Variants in FBXL19 observed in about 807,000 individuals in gnomAD.
FBXL19 encodes F-box/LRR-repeat protein 19.
A neutral mutation model predicts 71.2 loss-of-function variants in FBXL19; 16 were observed. The ratio of observed to expected loss-of-function variants is 0.22; its 90% CI spans 0.15 to 0.34. The LOEUF (loss-of-function observed/expected upper bound fraction) is 0.34, where lower values mean the gene tolerates loss of function less well. Ranked by LOEUF, FBXL19 falls within the 10% of genes least tolerant of loss-of-function variation. The pLI is 1.00. For synonymous variants in FBXL19, 447 were observed against 409.4 expected (o/e 1.09, Z -1.11); for missense variants, 658 against 968.2 (o/e 0.68, Z 4.25).
chr16:30,944,497 A>G (rs1596658075), intron 9 of FBXL19, among the ~76,000 whole-genome samples: 2 of 152,136 alleles, frequency 1.3e-5, no homozygotes, highest in Admixed American at 1.3e-4. Context: ...AGCTCCTTCC[A>G]TGTTCCTGTA....
chr16:30,925,069 G>C lies in FBXL19; in HGVS notation c.-25+610G>C, dbSNP rs929320407. On this transcript the variant is annotated intron_variant, in intron 1 of 10. Transcript: ENST00000338343. This position sits in a 1 kb window ranked among gnomAD's most constrained non-coding sequence, Gnocchi z 5.0. Reference sequence around the variant, plus strand: ...AGGGGCTGAGATCTTGGGCTGAGAAGGGTCTCTGAAGAAGCATCTCCAGGG... The same window carrying C: ...AGGGGCTGAGATCTTGGGCTGAGAACGGTCTCTGAAGAAGCATCTCCAGGG... 6.6e-6 allele frequency among the ~76,000 whole-genome samples: 1 copy of C among 152,212 alleles called. No homozygotes were observed. The highest frequency in any genetic ancestry group is 1.5e-5 in the Non-Finnish European group (1 of 68,028).
chr16:30,947,432 A>ATGTCCTGCCCCTGCTACCTGCTTCAT lies in FBXL19; in HGVS notation c.*208_*233dup. On this transcript the variant is annotated 3_prime_UTR_variant, in exon 11 of 11. Coordinates refer to ENST00000338343, the MANE Select transcript of FBXL19 (RefSeq NM_001382779.1). The stretch of plus-strand genomic sequence containing the variant: ...ATATCTCTGGGGGTTTCTCCTTCCT[A>ATGTCCTGCCCCTGCTACCTGCTTCAT]TGTCCTGCCCCTGCTACCTGCTTCA... The ATGTCCTGCCCCTGCTACCTGCTTCAT allele has an allele frequency of 1.8e-6, 1 of 563,224 alleles. No individual in the cohort carries two copies. Among genetic ancestry groups the ATGTCCTGCCCCTGCTACCTGCTTCAT allele is most frequent in the Middle Eastern group, 4.7e-4 (1 of 2,120 alleles). 34.9% of individuals were successfully genotyped at this position (563,224 alleles called of 1,614,324 possible).
rs2055815765 is a variant in FBXL19, at chr16:30,942,655, T to C, written c.1627+119T>C. On this transcript the variant is annotated intron_variant, in intron 9 of 10. Coordinates refer to ENST00000338343, the MANE Select transcript of FBXL19 (RefSeq NM_001382779.1). This position sits in a 1 kb window ranked among gnomAD's most constrained non-coding sequence, Gnocchi z 5.7. ...GTATTTGAAGAAAGGAAAGAATACA[T>C]GAGTTTGAATAGGAAGGCCCTGGTT... 1 of 1,420,712 alleles carries C rather than the reference T, an allele frequency of 7.0e-7. No homozygotes were observed. The highest frequency in any genetic ancestry group is 1.5e-5 in the South Asian group (1 of 65,694). 88.0% of individuals were successfully genotyped at this position (1,420,712 alleles called of 1,614,324 possible).
At chr16:30,937,410 T>TA (rs2055751281) in intron 7 of FBXL19, among the ~76,000 whole-genome samples, 1 of 152,072 alleles carries the variant, frequency 6.6e-6, no homozygotes, top group Non-Finnish European at 1.5e-5. Flanking sequence ...AGGTGACTCT[T>TA]ACCATGCCCC....
chr16:30,930,196 T>A lies in FBXL19; in HGVS notation c.913T>A (p.Ser305Thr). Reference sequence around the variant, plus strand: ...GCTGGAACGGGTGCCTGACACCTCCTCTTCCTCCTCGGACTCAGACTCCGA... The same window carrying A: ...GCTGGAACGGGTGCCTGACACCTCCACTTCCTCCTCGGACTCAGACTCCGA... ...QLLERVPDTS[S>T]SSSDSDSDSD... Residue 305 changes from serine (S) to threonine (T), a missense_variant, in exon 7 of 11, where the codon TCT becomes ACT. Coordinates refer to ENST00000338343, the MANE Select transcript of FBXL19 (RefSeq NM_001382779.1). The surrounding 1 kb of genome is among the most constrained non-coding windows in gnomAD (Gnocchi z 8.5). 1 of 1,613,240 alleles carries A rather than the reference T, an allele frequency of 6.2e-7. No homozygotes were observed.
intron 7 of FBXL19, among the ~76,000 whole-genome samples, chr16:30,940,772 T>A (rs998811551): frequency 6.6e-6 from 1 of 152,102 alleles, no homozygotes; most frequent in Admixed American, 6.5e-5. Context: ...GTTCAAGTAA[T>A]TCTCCTGCCT....
chr16:30,935,030 G>A (rs2055716686), intron 7 of FBXL19, among the ~76,000 whole-genome samples: 1 of 152,200 alleles, frequency 6.6e-6, no homozygotes, highest in African/African-American at 2.4e-5. Flanking sequence ...GAACGAGGCA[G>A]GAGGGAATGT....
Position 30,925,422 on chromosome 16 carries a change from G to A in FBXL19, c.-24-309G>A, listed in dbSNP as rs72799341. Among the ~76,000 whole-genome samples, 33,377 of 152,010 alleles carry A rather than the reference G, an allele frequency of 0.22. 4,458 individuals are homozygous for A. Among genetic ancestry groups the A allele is most frequent in the South Asian group, 0.65 (3,106 of 4,800 alleles). ...AAGGAGTGCCTGGCCTTTCCAAGGA[G>A]CTCCGGTGTGGGGATGGCAGAGGAG... On this transcript the variant is annotated intron_variant, in intron 1 of 10. Transcript: ENST00000338343. The surrounding 1 kb of genome is among the most constrained non-coding windows in gnomAD (Gnocchi z 5.0).
intron 2 of FBXL19, 45 bp from the exon 3 acceptor site, chr16:30,927,261 CCT>C (rs1555486756): frequency 1.3e-6 from 2 of 1,516,844 alleles, no homozygotes; most frequent in Non-Finnish European, 1.8e-6. Flanking sequence ...GGGTCTTTCC[CCT>C]GTTGTTAGCT....
chr16:30,938,356 A>G (rs759701529), intron 7 of FBXL19, among the ~76,000 whole-genome samples: 1 of 152,072 alleles, frequency 6.6e-6, no homozygotes, highest in South Asian at 2.1e-4. Flanking sequence ...TCTCTATTAA[A>G]AAAGAAAAAA....
At position 30,947,432 on chromosome 16, in the gene FBXL19, ATGTCCTGCCCCTGCTACCTGCTTCAT is replaced by A; in HGVS notation, c.*208_*233del. On this transcript the variant is annotated 3_prime_UTR_variant, in exon 11 of 11. Coordinates refer to ENST00000338343, the MANE Select transcript of FBXL19 (RefSeq NM_001382779.1). ...ATATCTCTGGGGGTTTCTCCTTCCTATGTCCTGCCCCTGCTACCTGCTTCATTGTCCATCCCCTGGGGGAGTGGGTC... is the reference window on the plus strand; with the variant it reads ...ATATCTCTGGGGGTTTCTCCTTCCTATGTCCATCCCCTGGGGGAGTGGGTC... The A allele has an allele frequency of 1.8e-6, 1 of 563,224 alleles. No individual in the cohort carries two copies. The highest frequency in any genetic ancestry group is 3.2e-6 in the Non-Finnish European group (1 of 316,098). 34.9% of individuals were successfully genotyped at this position (563,224 alleles called of 1,614,324 possible). A position where few individuals can be genotyped will look rare whatever the true frequency, so the allele number is the denominator to read the frequency against.
chr16:30,935,292 TGAA>T (rs1375179191), intron 7 of FBXL19, among the ~76,000 whole-genome samples: 1 of 151,828 alleles, frequency 6.6e-6, no homozygotes, highest in Non-Finnish European at 1.5e-5. Flanking sequence ...GCTGAATGAG[TGAA>T]GGACAAGAGA....
intron 1 of FBXL19, 182 bp downstream of exon 1, chr16:30,924,641 C>A: frequency 7.2e-7 from 1 of 1,393,098 alleles, no homozygotes; most frequent in South Asian, 1.8e-5. Flanking sequence ...CTTCCTAGAC[C>A]CTGCTTCCCC....
Position 30,935,653 on chromosome 16 carries a change from C to T in FBXL19, c.1301+5069C>T, listed in dbSNP as rs552046876. Among the ~76,000 whole-genome samples the T allele has an allele frequency of 7.4e-4, 113 of 152,048 alleles. 1 individual carries two copies. Among genetic ancestry groups the T allele is most frequent in the South Asian group, 1.7e-3 (8 of 4,808 alleles). On this transcript the variant is annotated intron_variant, in intron 7 of 10. Transcript: ENST00000338343. ...CGGGGCCCAGAGAGCTACAAGAGGT[C>T]GGAACTGGCAGTGCTTGGAGCCCTA...
At chr16:30,947,010 T>C (rs1215078555) in intron 10 of FBXL19, 42 bp from the exon 11 acceptor site, 1 of 1,576,956 alleles carries the variant, frequency 6.3e-7, no homozygotes, top group Admixed American at 1.8e-5. Context: ...TGCCAACCCC[T>C]TGCTCACCTG....
Position 30,948,717 on chromosome 16 carries a change from GCTGGGCCC to G in FBXL19, c.*1497_*1504del, listed in dbSNP as rs1165046971. 6.6e-6 allele frequency: 1 copy of G among 152,258 alleles called. No homozygotes were observed. Among genetic ancestry groups the G allele is most frequent in the Non-Finnish European group, 1.5e-5 (1 of 68,116 alleles). 9.4% of individuals were successfully genotyped at this position (152,258 alleles called of 1,614,324 possible). A position where few individuals can be genotyped will look rare whatever the true frequency, so the allele number is the denominator to read the frequency against. ...AGGGGCAAGCGGGGGACCCAGCCGG[GCTGGGCCC>G]CTGGGCCCCGGGTCTGTACAATACG... is the stretch of plus-strand genomic sequence containing the variant. On this transcript the variant is annotated 3_prime_UTR_variant, in exon 11 of 11. Transcript: ENST00000338343.
chr16:30,943,394 A>T (rs1596657524), intron 9 of FBXL19, among the ~76,000 whole-genome samples: 42 of 50,072 alleles, frequency 8.4e-4, no homozygotes, highest in African/African-American at 1.5e-3. Flanking sequence ...TTTTTTTTTG[A>T]GGTGAAGTCT....
Position 30,930,356 on chromosome 16 carries a change from G to T in FBXL19, c.1073G>T (p.Gly358Val). Residue 358 changes from glycine to valine, a missense_variant, in exon 7 of 11, where the codon GGG becomes GTG. Gly to Val is a moderately radical substitution (Grantham distance 109). Around this residue, in one of 8 missense-constraint regions of FBXL19, gnomAD observed 447 missense variants for 515.4 expected, o/e 0.87. Coordinates refer to ENST00000338343, the MANE Select transcript of FBXL19 (RefSeq NM_001382779.1). The surrounding 1 kb of genome is among the most constrained non-coding windows in gnomAD (Gnocchi z 8.5). ...GGRRAVRPGS[G>V]GPLLSWPLGP... ...CGGCGGGCTGTGCGCCCTGGCAGTG[G>T]GGGGCCCCTACTCAGCTGGCCCCTG... 6.3e-7 allele frequency: 1 copy of T among 1,575,510 alleles called. No individual in the cohort carries two copies. The highest frequency in any genetic ancestry group is 2.3e-5 in the East Asian group (1 of 43,618).
intron 2 of FBXL19, 105 bp from the exon 3 acceptor site, chr16:30,927,203 G>A (rs2055602185): frequency 1.7e-6 from 2 of 1,210,142 alleles, no homozygotes; most frequent in Non-Finnish European, 2.3e-6. Context: ...AGCTTGACCC[G>A]TGGGTGCTGC....
Sources: allele counts gnomAD v4.1 joint callset (sites outside exome capture counted in the v4.1 genomes callset), GRCh38; gene constraint gnomAD v4.1.1; regional missense constraint gnomAD v4.1.1; non-coding constraint Gnocchi (gnomAD v3.1); transcripts MANE v1.5; gene names NCBI Gene and HGNC (gene_info 2026-07-23, HGNC 2026-07-21).